The following PCDH11Y variants were observed in gnomAD, a reference collection of about 807,000 sequenced individuals.
PCDH11Y encodes protocadherin 11 Y-linked.
For missense variants in PCDH11Y, 12 were observed against 224.8 expected (o/e 0.05, Z 6.05); for synonymous variants, 9 against 83.6 (o/e 0.11, Z 4.87).
chrY:5,511,817 G>T (rs2053365530), intron 3 of PCDH11Y, among the ~76,000 whole-genome samples: 1 of 33,641 alleles, frequency 3.0e-5, no homozygotes, highest in African/African-American at 1.2e-4. Context: ...CTCCCAAAAA[G>T]ATTTTTTTTG....
intron 4 of PCDH11Y, among the ~76,000 whole-genome samples, chrY:5,638,525 A>G: frequency 3.0e-5 from 1 of 33,278 alleles, no homozygotes. Flanking sequence ...AGTAGCAAAT[A>G]GACTTCTTTA....
chrY:5,252,054 TTA>T (rs2053004799), intron 2 of PCDH11Y, among the ~76,000 whole-genome samples: 2 of 32,363 alleles, frequency 6.2e-5, no homozygotes, highest in African/African-American at 1.2e-4. Flanking sequence ...TCCATGTTTA[TTA>T]TGGCCAAGAA....
At chrY:5,312,781 G>T in intron 2 of PCDH11Y, among the ~76,000 whole-genome samples, 1 of 29,766 alleles carries the variant, frequency 3.4e-5, no homozygotes. Flanking sequence ...TATAAAAATT[G>T]CATTTAAAAT....
At chrY:5,289,629 G>A in intron 2 of PCDH11Y, among the ~76,000 whole-genome samples, 1 of 33,255 alleles carries the variant, frequency 3.0e-5, no homozygotes, top group African/African-American at 1.1e-4. Flanking sequence ...GCTTACAGGT[G>A]GTCTCTGGGA....
At chrY:5,700,636 C>T (rs2124711888) in intron 4 of PCDH11Y, among the ~76,000 whole-genome samples, 1 of 33,503 alleles carries the variant, frequency 3.0e-5, no homozygotes, top group East Asian at 7.8e-4. Context: ...AACTGTGAGT[C>T]CATTAAACCT....
intron 2 of PCDH11Y, among the ~76,000 whole-genome samples, chrY:5,116,630 C>T: frequency 6.0e-5 from 2 of 33,191 alleles, no homozygotes; most frequent in Non-Finnish European, 1.5e-4. Flanking sequence ...TATTCATAAA[C>T]GCACCCCTCT....
At chrY:5,404,394 A>G (rs1602920339) in intron 2 of PCDH11Y, among the ~76,000 whole-genome samples, 1 of 33,538 alleles carries the variant, frequency 3.0e-5, no homozygotes, top group African/African-American at 1.2e-4. Flanking sequence ...TTTGACTTCT[A>G]ATAAAACAAT....
intron 2 of PCDH11Y, among the ~76,000 whole-genome samples, chrY:5,218,170 C>T: frequency 3.1e-5 from 1 of 32,361 alleles, no homozygotes; most frequent in Non-Finnish European, 7.6e-5. Context: ...TCTCCCCCTC[C>T]TTTAGAGAAA....
At chrY:5,673,098 G>A in intron 4 of PCDH11Y, among the ~76,000 whole-genome samples, 1 of 32,969 alleles carries the variant, frequency 3.0e-5, no homozygotes, top group Non-Finnish European at 7.5e-5. Flanking sequence ...TGTTGCAGAA[G>A]TGACAAAAAT....
At chrY:5,070,226 A>G in intron 1 of PCDH11Y, among the ~76,000 whole-genome samples, 1 of 33,381 alleles carries the variant, frequency 3.0e-5, no homozygotes, top group Non-Finnish European at 7.4e-5. Flanking sequence ...AAAGATAAGT[A>G]TAAGTTTGGT....
intron 4 of PCDH11Y, among the ~76,000 whole-genome samples, chrY:5,586,420 A>G (rs1602946889): frequency 1.7e-3 from 54 of 32,264 alleles, no homozygotes; most frequent in African/African-American, 5.8e-3. Context: ...GTATAGGAAT[A>G]CCAGCACTTT....
At position 5,415,398 on chromosome Y, in the gene PCDH11Y, G is replaced by T. The variant is rs2124678917; in HGVS notation, c.3130-85659G>T. Among the ~76,000 whole-genome samples the T allele has an allele frequency of 2.7e-4, 9 of 32,897 alleles. No individual in the cohort carries two copies. The South Asian group carries it at 6.1e-3, about 22-fold the overall frequency. The allele number at this position is 32,897 out of a possible 37,273, so 88.3% of individuals were successfully genotyped here. A position where few individuals can be genotyped will look rare whatever the true frequency, so the allele number is the denominator to read the frequency against. On this transcript the variant is annotated intron_variant, in intron 2 of 4. Transcript: ENST00000400457. ...TAAGGGAGGCTGCAGTGGGGAGAGG[G>T]TGCAGTTGGGCTGGTGCCAGTAGGC...
chrY:5,478,490 T>C, intron 2 of PCDH11Y, among the ~76,000 whole-genome samples: 1 of 32,974 alleles, frequency 3.0e-5, no homozygotes, highest in South Asian at 6.8e-4. Flanking sequence ...GAAGAATGTA[T>C]ATTCTGTTGA....
At chrY:5,443,842 T>C in intron 2 of PCDH11Y, among the ~76,000 whole-genome samples, 2 of 32,868 alleles carry the variant, frequency 6.1e-5, no homozygotes, top group African/African-American at 1.2e-4. Context: ...TTATGTTAAG[T>C]GAAATAAGCC....
intron 2 of PCDH11Y, among the ~76,000 whole-genome samples, chrY:5,322,004 C>A: frequency 1.3e-4 from 4 of 30,568 alleles, no homozygotes; most frequent in Non-Finnish European, 3.1e-4. Flanking sequence ...AGGAAAGATG[C>A]GGGGAAATAT....
At chrY:5,103,910 A>T, downstream of PCDH11Y, among the ~76,000 whole-genome samples, 1 of 32,915 alleles carries the variant, frequency 3.0e-5, no homozygotes, top group African/African-American at 1.2e-4. Flanking sequence ...TATACATTTT[A>T]AAAAAAATAG....
At chrY:5,717,375 A>G (rs2053590766) in intron 4 of PCDH11Y, among the ~76,000 whole-genome samples, 1 of 33,109 alleles carries the variant, frequency 3.0e-5, no homozygotes, top group African/African-American at 1.2e-4. Flanking sequence ...ACATTTAAGG[A>G]GCTCAGCTCA....
At chrY:5,292,836 A>G (rs2053069476) in intron 2 of PCDH11Y, among the ~76,000 whole-genome samples, 2 of 32,700 alleles carry the variant, frequency 6.1e-5, no homozygotes. Flanking sequence ...TGCATCACTG[A>G]GTTATTTATT....
intron 2 of PCDH11Y, among the ~76,000 whole-genome samples, chrY:5,310,429 A>G: frequency 3.0e-5 from 1 of 33,170 alleles, no homozygotes; most frequent in African/African-American, 1.2e-4. Context: ...ACTTTAAAGC[A>G]CCTGACACAT....
Sources: allele counts gnomAD v4.1 joint callset (sites outside exome capture counted in the v4.1 genomes callset), GRCh38; gene constraint gnomAD v4.1.1; transcripts MANE v1.5; gene names NCBI Gene and HGNC (gene_info 2026-07-23, HGNC 2026-07-21).